Variants in CWC22 observed in about 807,000 individuals in gnomAD.
CWC22 encodes pre-mRNA-splicing factor CWC22 homolog.
Under a neutral mutation model 117.2 loss-of-function variants are expected in CWC22, and 53 were observed. The ratio of observed to expected loss-of-function variants is 0.45; its 90% CI spans 0.36 to 0.57. The LOEUF (loss-of-function observed/expected upper bound fraction) is 0.57, where lower values mean the gene tolerates loss of function less well. Among genes scored for constraint, CWC22 ranks in the 20% least tolerant of loss-of-function variants. The pLI, the probability that CWC22 is intolerant of heterozygous loss-of-function variation, is 0.00. For synonymous variants in CWC22, 360 were observed against 355.6 expected (o/e 1.01, Z -0.14); for missense variants, 980 against 1,068.8 (o/e 0.92, Z 1.16).
intron 19 of CWC22, among the ~76,000 whole-genome samples, chr2:179,947,566 T>G (rs184131384): frequency 6.6e-6 from 1 of 152,246 alleles, no homozygotes; most frequent in Non-Finnish European, 1.5e-5. Context: ...CAAGCTTCCT[T>G]ATTGCAGCAA....
chr2:179,992,901 CAGAT>C (rs1464115779), intron 2 of CWC22, among the ~76,000 whole-genome samples: 1 of 152,222 alleles, frequency 6.6e-6, no homozygotes, highest in Non-Finnish European at 1.5e-5. Flanking sequence ...ACGTTGTAAA[CAGAT>C]ATGCAGAAAT....
chr2:179,968,045 C>T (rs1038305207), intron 11 of CWC22, among the ~76,000 whole-genome samples: 5 of 151,888 alleles, frequency 3.3e-5, no homozygotes, highest in South Asian at 2.1e-4. Flanking sequence ...TGGACGAGAG[C>T]GGTGGTAATA....
chr2:179,947,816 T>G (rs775868045), intron 19 of CWC22, among the ~76,000 whole-genome samples: 3 of 152,222 alleles, frequency 2.0e-5, no homozygotes, highest in Non-Finnish European at 4.4e-5. Flanking sequence ...GTGTAAAGAT[T>G]GGCCTTTCAA....
intron 16 of CWC22, 97 bp from the exon 17 acceptor site, chr2:179,952,695 C>T: frequency 1.0e-5 from 6 of 592,864 alleles, no homozygotes; most frequent in Non-Finnish European, 1.6e-5. Flanking sequence ...CTCAAAATTA[C>T]TATTTATTCC....
At chr2:179,971,994 T>C (rs550575261) in intron 8 of CWC22, among the ~76,000 whole-genome samples, 1 of 152,282 alleles carries the variant, frequency 6.6e-6, no homozygotes, top group Admixed American at 6.5e-5. Flanking sequence ...TCATATCGAG[T>C]GTTTCATGGC....
chr2:179,979,984 C>T (rs1171473842), intron 5 of CWC22, among the ~76,000 whole-genome samples: 1 of 152,178 alleles, frequency 6.6e-6, no homozygotes, highest in Non-Finnish European at 1.5e-5. Flanking sequence ...TTACAGCCTA[C>T]GAACAGACTT....
At chr2:180,002,177 T>G (rs1314845646) in intron 1 of CWC22, among the ~76,000 whole-genome samples, 2 of 152,216 alleles carry the variant, frequency 1.3e-5, no homozygotes, top group African/African-American at 4.8e-5. Context: ...ACTAATTATT[T>G]CCTTCTCCCC....
chr2:179,997,784 A>C (rs1687745315), intron 1 of CWC22, among the ~76,000 whole-genome samples: 1 of 152,176 alleles, frequency 6.6e-6, no homozygotes, highest in Non-Finnish European at 1.5e-5. Context: ...TACCGTAACA[A>C]AATCTGTTCA....
chr2:179,960,303 C>G lies in CWC22; in HGVS notation c.1398-1221G>C, dbSNP rs557283969. 1.8e-3 allele frequency among the ~76,000 whole-genome samples: 267 copies of G among 151,994 alleles called. 1 individual carries two copies. Among genetic ancestry groups the G allele is most frequent in the African/African-American group, 6.3e-3 (260 of 41,500 alleles). ...ATCTCAAAGAGTGCTTCCCAATGCT[C>G]AAGGTTTTAAAGAGACATAGCTGTT... is the stretch of plus-strand genomic sequence containing the variant. On this transcript the variant is annotated intron_variant, in intron 13 of 19. Transcript: ENST00000410053.
chr2:179,952,580 G>A lies in CWC22; in HGVS notation c.1708C>T (p.Leu570=). Residue 570 remains leucine (L), a synonymous_variant, in exon 17 of 20, where the codon CTG becomes TTG. Coordinates refer to ENST00000410053, the MANE Select transcript of CWC22 (RefSeq NM_020943.3). The part of the protein sequence containing the change: ...LPWSVLECIK[L]SEETTTSSSR... ...GATGATGTAGTGGTTTCTTCACTCAGTTTTATACATTCAAGAACCTGAAAA... is the reference window on the plus strand; with the variant it reads ...GATGATGTAGTGGTTTCTTCACTCAATTTTATACATTCAAGAACCTGAAAA... 1 of 1,467,064 alleles carries A rather than the reference G, an allele frequency of 6.8e-7. No individual in the cohort carries two copies. The highest frequency in any genetic ancestry group is 9.1e-7 in the Non-Finnish European group (1 of 1,093,222). The allele number at this position is 1,467,064 out of a possible 1,614,324, so 90.9% of individuals were successfully genotyped here. A position where few individuals can be genotyped will look rare whatever the true frequency, so the allele number is the denominator to read the frequency against.
chr2:179,955,631 A>G (rs1686569682), intron 14 of CWC22, among the ~76,000 whole-genome samples: 1 of 151,974 alleles, frequency 6.6e-6, no homozygotes, highest in East Asian at 1.9e-4. Context: ...ATCTATATGG[A>G]TCTATACAAA....
At chr2:179,966,065 C>A in intron 11 of CWC22, 83 bp from the exon 12 acceptor site, 2 of 1,072,118 alleles carry the variant, frequency 1.9e-6, no homozygotes, top group South Asian at 3.1e-5. Context: ...ATTCTCAGTT[C>A]GTTGAAATCC....
At chr2:180,001,037 CTTCTT>C (rs932098735) in intron 1 of CWC22, among the ~76,000 whole-genome samples, 3 of 152,102 alleles carry the variant, frequency 2.0e-5, no homozygotes, top group Non-Finnish European at 4.4e-5. Flanking sequence ...CCCCAATGTG[CTTCTT>C]TTCAACAGAA....
intron 19 of CWC22, among the ~76,000 whole-genome samples, chr2:179,947,956 A>G (rs1362298686): frequency 2.0e-5 from 3 of 152,206 alleles, no homozygotes. Flanking sequence ...TACTGTAATG[A>G]AAGAAAGCAG....
chr2:179,948,465 T>C (rs1235176524), intron 19 of CWC22, among the ~76,000 whole-genome samples: 5 of 152,144 alleles, frequency 3.3e-5, no homozygotes, highest in Non-Finnish European at 5.9e-5. Context: ...GAGATTTGCA[T>C]AGTATCAAGT....
At chr2:179,990,989 G>C (rs1687551574) in intron 2 of CWC22, among the ~76,000 whole-genome samples, 1 of 152,194 alleles carries the variant, frequency 6.6e-6, no homozygotes, top group Non-Finnish European at 1.5e-5. Flanking sequence ...CAAATATTAA[G>C]AACCTGAATT....
intron 19 of CWC22, among the ~76,000 whole-genome samples, chr2:179,950,039 G>A (rs1192469945): frequency 1.3e-5 from 2 of 152,132 alleles, no homozygotes; most frequent in Non-Finnish European, 2.9e-5. Context: ...GAGAACTTCT[G>A]GGGTACCGGT....
Position 179,952,612 on chromosome 2 carries a change from TAAAA to T in CWC22, c.1690-18_1690-15del. ...ACATTCAAGAACCTGAAAATTAAAA[TAAAA>T]AAAGACAAGTATATTTTAATTTATA... On this transcript the variant is annotated splice_polypyrimidine_tract_variant and intron_variant, in intron 16 of 19. Coordinates refer to ENST00000410053, the MANE Select transcript of CWC22 (RefSeq NM_020943.3). 2 of 1,342,744 alleles carry T rather than the reference TAAAA, an allele frequency of 1.5e-6. No individual in the cohort carries two copies. The highest frequency in any genetic ancestry group is 2.0e-6 in the Non-Finnish European group (2 of 998,812). 83.2% of individuals were successfully genotyped at this position (1,342,744 alleles called of 1,614,324 possible).
At chr2:179,983,150 C>T (rs938538273) in intron 4 of CWC22, among the ~76,000 whole-genome samples, 2 of 152,050 alleles carry the variant, frequency 1.3e-5, no homozygotes, top group Non-Finnish European at 2.9e-5. Context: ...AGGTTTATTA[C>T]ATAGGTAAAC....
Sources: gnomAD v4.1 joint callset for allele counts (sites outside exome capture counted in the v4.1 genomes callset) on GRCh38, gnomAD v4.1.1 for gene constraint, MANE v1.5 for transcripts, NCBI Gene and HGNC (gene_info 2026-07-23, HGNC 2026-07-21) for gene names.